The following FADS2 variants were observed in gnomAD, a reference collection of about 807,000 sequenced individuals.
FADS2 encodes the protein fatty acid desaturase 2, also known as acyl-CoA 6-desaturase.
Under a neutral mutation model 61.2 loss-of-function variants are expected in FADS2, and 18 were observed. The ratio of observed to expected loss-of-function variants is 0.29; its 90% CI spans 0.20 to 0.44. FADS2 has a LOEUF of 0.44. FADS2 is among the 20% of genes least tolerant of loss of function. The pLI is 1.00. For synonymous variants in FADS2, 203 were observed against 223.9 expected, an observed-to-expected ratio of 0.91 and a Z score of 0.83; for missense variants, 322 against 572.7, an observed-to-expected ratio of 0.56 and a Z score of 4.47.
chr11:61,858,347 T>C (rs2067382929), intron 7 of FADS2, among the ~76,000 whole-genome samples: 1 of 151,426 alleles, frequency 6.6e-6, no homozygotes, highest in Non-Finnish European at 1.5e-5. Context: ...CCCAGCTAAT[T>C]TTTGTATTTT....
intron 5 of FADS2, among the ~76,000 whole-genome samples, chr11:61,851,792 C>A (rs891227206): frequency 1.3e-5 from 2 of 152,236 alleles, no homozygotes; most frequent in Non-Finnish European, 2.9e-5. Context: ...CTGTGAATAG[C>A]GCGGGCTCCG....
chr11:61,845,263 G>T (rs1469188879), intron 4 of FADS2, among the ~76,000 whole-genome samples: 1 of 152,008 alleles, frequency 6.6e-6, no homozygotes, highest in Admixed American at 6.5e-5. Flanking sequence ...CCTGGCCCCA[G>T]CTCAGTTTGG....
In FADS2 at chr11:61,863,405, A is replaced by G. The variant is rs1362658018; in HGVS notation, c.1077+27A>G. The G allele has an allele frequency of 5.3e-6, 8 of 1,518,546 alleles. No individual in the cohort carries two copies. In the Admixed American group the frequency reaches 1.0e-4, roughly 19 times the overall value. 94.1% of individuals were successfully genotyped at this position (1,518,546 alleles called of 1,614,324 possible). A position where few individuals can be genotyped will look rare whatever the true frequency, so the allele number is the denominator to read the frequency against. ...TAGGGAAGTCAGGGCCGGTCACCAGAGCCTGGTCCCAATGTCCATGTCCTG... is the reference window on the plus strand; with the variant it reads ...TAGGGAAGTCAGGGCCGGTCACCAGGGCCTGGTCCCAATGTCCATGTCCTG... On this transcript the variant is annotated intron_variant, in intron 9 of 11. Transcript: ENST00000278840.
chr11:61,860,752 C>T (rs1256019315), intron 7 of FADS2, among the ~76,000 whole-genome samples: 1 of 152,062 alleles, frequency 6.6e-6, no homozygotes, highest in Non-Finnish European at 1.5e-5. Flanking sequence ...GAAACCCTGT[C>T]TCTACAAAAA....
rs139291227 is a variant in FADS2 at position 61,861,649 on chromosome 11, C to T, written c.883-1323C>T. On this transcript the variant is annotated intron_variant, in intron 7 of 11. Coordinates refer to ENST00000278840, the MANE Select transcript of FADS2 (RefSeq NM_004265.4). ...CACCTTGAAGGCCACCTTATTGGAACGTGAGGTCCTGCCCTCGGCCAATGT... is the reference window on the plus strand; with the variant it reads ...CACCTTGAAGGCCACCTTATTGGAATGTGAGGTCCTGCCCTCGGCCAATGT... Among the ~76,000 whole-genome samples, 981 of 152,352 alleles carry T rather than the reference C, an allele frequency of 6.4e-3. 22 individuals carry two copies. In the East Asian group the frequency reaches 0.067, roughly 10 times the overall value.
In FADS2 at chr11:61,865,212, A is replaced by G. The variant is rs1442156122; in HGVS notation, c.1218A>G (p.Leu406=). 1.2e-6 allele frequency: 2 copies of G among 1,613,728 alleles called. No individual in the cohort carries two copies. Among genetic ancestry groups the G allele is most frequent in the Non-Finnish European group, 8.5e-7 (1 of 1,179,994 alleles). Residue 406 remains leucine (L), a synonymous_variant, in exon 11 of 12, where the codon CTA becomes CTG. Coordinates refer to ENST00000278840, the MANE Select transcript of FADS2 (RefSeq NM_004265.4). This position sits in a 1 kb window ranked among gnomAD's most constrained non-coding sequence, Gnocchi z 4.1. ...LHKIAPLVKS[L]CAKHGIEYQE... The stretch of plus-strand genomic sequence containing the variant: ...AGATCGCCCCGCTGGTGAAGTCTCT[A>G]TGTGCCAAGCATGGCATTGAATACC...
chr11:61,836,315 C>T (rs980934116), intron 1 of FADS2, among the ~76,000 whole-genome samples: 11 of 152,206 alleles, frequency 7.2e-5, no homozygotes, highest in Non-Finnish European at 1.6e-4. Context: ...CCAGGCCGAT[C>T]TCAAACTCCT....
chr11:61,822,632 G>T (rs1007659360), intron 1 of FADS2, among the ~76,000 whole-genome samples: 3 of 152,162 alleles, frequency 2.0e-5, no homozygotes, highest in African/African-American at 7.2e-5. Flanking sequence ...CGGGGAATGG[G>T]TCTGGAGTCC....
chr11:61,827,564 A>C (rs912023952), upstream of FADS2: 1 of 152,214 alleles, frequency 6.6e-6, no homozygotes, highest in African/African-American at 2.4e-5. This position sits in a 1 kb window ranked among gnomAD's most constrained non-coding sequence, Gnocchi z 4.5. Flanking sequence ...GGGATACTGG[A>C]GTCTCGACTG....
At chr11:61,826,485 C>A, upstream of FADS2, 1 of 629,678 alleles carries the variant, frequency 1.6e-6, no homozygotes, top group Non-Finnish European at 2.8e-6. Flanking sequence ...TACAAATGTT[C>A]ATTAAAGTTA....
intron 4 of FADS2, among the ~76,000 whole-genome samples, chr11:61,846,283 A>C (rs1325763530): frequency 1.3e-5 from 2 of 151,738 alleles, no homozygotes; most frequent in East Asian, 1.9e-4. Context: ...CGCCCAGATA[A>C]TTTTTGTAGT....
At chr11:61,862,805 T>C (rs1157088580) in intron 7 of FADS2, 167 bp from the exon 8 acceptor site, 5 of 626,714 alleles carry the variant, frequency 8.0e-6, no homozygotes, top group Non-Finnish European at 1.1e-5. Flanking sequence ...AAGGCAGCCA[T>C]GCAAACCCCG....
intron 4 of FADS2, among the ~76,000 whole-genome samples, chr11:61,844,792 G>A (rs2067243677): frequency 6.8e-6 from 1 of 147,916 alleles, no homozygotes; most frequent in Non-Finnish European, 1.5e-5. Context: ...GGGCGTGGTG[G>A]CACACGCCTG....
chr11:61,838,906 T>C (rs2067196206), intron 2 of FADS2, among the ~76,000 whole-genome samples: 1 of 152,090 alleles, frequency 6.6e-6, no homozygotes, highest in South Asian at 2.1e-4. Context: ...ATGGCCTTGC[T>C]CCTTGGCTCT....
chr11:61,817,125 C>G (rs2066994017), intron 1 of FADS2: 3 of 567,128 alleles, frequency 5.3e-6, no homozygotes. Flanking sequence ...GGTTCTAGTG[C>G]AGGCCCTGGG....
intron 5 of FADS2, chr11:61,855,370 C>CCACT (rs746774202): frequency 7.2e-5 from 11 of 152,262 alleles, no homozygotes; most frequent in Non-Finnish European, 1.2e-4. Context: ...GTTCTGTGGG[C>CCACT]CACTGCAGGC....
intron 5 of FADS2, among the ~76,000 whole-genome samples, chr11:61,852,324 A>C (rs2067314023): frequency 6.6e-6 from 1 of 152,106 alleles, no homozygotes; most frequent in African/African-American, 2.4e-5. Context: ...GTAGTGGCGC[A>C]ATCTCGGTTC....
At chr11:61,829,957 G>A (rs1328284715) in intron 1 of FADS2, among the ~76,000 whole-genome samples, 1 of 152,194 alleles carries the variant, frequency 6.6e-6, no homozygotes, top group Non-Finnish European at 1.5e-5. Flanking sequence ...GAAGGTCAGC[G>A]ATACTGAAAT....
intron 5 of FADS2, chr11:61,855,190 T>A (rs1321110448): frequency 6.6e-6 from 1 of 152,490 alleles, no homozygotes; most frequent in African/African-American, 2.4e-5. Flanking sequence ...CCCTCTGTGC[T>A]CACTTCCGAG....
Sources: gnomAD v4.1 joint callset for allele counts (sites outside exome capture counted in the v4.1 genomes callset) on GRCh38, gnomAD v4.1.1 for gene constraint, Gnocchi (gnomAD v3.1) non-coding constraint, MANE v1.5 for transcripts, NCBI Gene and HGNC (gene_info 2026-07-23, HGNC 2026-07-21) for gene names.